The following SPTBN4 variants were observed in gnomAD, a reference collection of about 807,000 sequenced individuals.
The protein encoded by SPTBN4 is spectrin beta, non-erythrocytic 4.
In SPTBN4, 96 loss-of-function variants were observed where a neutral mutation model predicts 277.8. That is an observed-to-expected ratio of 0.35 (90% CI 0.29 to 0.41). The LOEUF (loss-of-function observed/expected upper bound fraction) is 0.41. Among genes scored for constraint, SPTBN4 ranks in the 10% least tolerant of loss-of-function variants. The probability of loss-of-function intolerance (pLI) is 1.00; values close to 1 mark genes in which losing one functional copy is unlikely to be tolerated. For missense variants in SPTBN4, 3,006 were observed against 3,595.7 expected (o/e 0.84, Z 4.19); for synonymous variants, 1,481 against 1,580.3 (o/e 0.94, Z 1.49).
Position 40,513,157 on chromosome 19 carries a change from C to A in SPTBN4, c.2368C>A (p.Arg790Ser). Reference sequence around the variant, plus strand: ...CCTCGACGGGCTGCTGGACTGGCTTCGCGACGCTTACCGCCTGGCAGCCGC... The same window carrying A: ...CCTCGACGGGCTGCTGGACTGGCTTAGCGACGCTTACCGCCTGGCAGCCGC... ...ADLDGLLDWL[R>S]DAYRLAAAGD... is the part of the protein sequence containing the mutation. Residue 790 changes from arginine to serine, a missense_variant, in exon 14 of 36, where the codon CGC (arginine) becomes AGC (serine). Arg to Ser is a moderately radical substitution (Grantham distance 110, BLOSUM62 -1). Around this residue, in one of 5 missense-constraint regions of SPTBN4, gnomAD observed 1,759 missense variants for 2,061.5 expected, o/e 0.85. Transcript: ENST00000598249. The A allele has an allele frequency of 6.7e-7, 1 of 1,499,802 alleles. No individual in the cohort carries two copies. The allele number at this position is 1,499,802 out of a possible 1,614,324, so 92.9% of individuals were successfully genotyped here. A position where few individuals can be genotyped will look rare whatever the true frequency, so the allele number is the denominator to read the frequency against.
Position 40,528,229 on chromosome 19 carries a change from C to G in SPTBN4, c.3858-812C>G, listed in dbSNP as rs571705609. ...GGAGCCCATGTGGGATGCCCCAGCC[C>G]CATCCACCAGGCCTCTTGGGCACTT... On this transcript the variant is annotated intron_variant, in intron 17 of 35. Transcript: ENST00000598249. 4.6e-5 allele frequency among the ~76,000 whole-genome samples: 7 copies of G among 152,206 alleles called. 1 individual carries two copies. The South Asian group carries it at 1.2e-3, about 27-fold the overall frequency.
intron 2 of SPTBN4, among the ~76,000 whole-genome samples, chr19:40,486,193 C>T (rs1244620762): frequency 6.6e-6 from 1 of 151,416 alleles, no homozygotes; most frequent in Non-Finnish European, 1.5e-5. Flanking sequence ...TGGGAGGCTG[C>T]GATGGGAGGA....
chr19:40,532,148 C>T (rs2080682498), intron 18 of SPTBN4, among the ~76,000 whole-genome samples: 1 of 151,394 alleles, frequency 6.6e-6, no homozygotes, highest in African/African-American at 2.4e-5. Flanking sequence ...ATTTGATACC[C>T]TTGGGAATGG....
At position 40,494,982 on chromosome 19, in the gene SPTBN4, C is replaced by T. The variant is rs907876566; in HGVS notation, c.668+5C>T. On this transcript the variant is annotated splice_donor_5th_base_variant and intron_variant, in intron 6 of 35. Transcript: ENST00000598249. The stretch of plus-strand genomic sequence containing the variant: ...TGCCCTCATTCACCGGCACAGGTAC[C>T]ACCTGGCCTGGGACAGCCCAGTCCT... 4.3e-6 allele frequency: 7 copies of T among 1,613,922 alleles called. No individual in the cohort carries two copies. In the East Asian group the frequency reaches 6.7e-5, roughly 15 times the overall value.
intron 1 of SPTBN4, among the ~76,000 whole-genome samples, chr19:40,471,134 A>G (rs111316221): frequency 0.049 from 7,482 of 151,856 alleles, 222 homozygotes; most frequent in African/African-American, 0.064. Flanking sequence ...ATTTTTAGAG[A>G]CAGGGTTTCA....
At chr19:40,555,080 G>A (rs2080962116) in intron 24 of SPTBN4, 1 of 176,720 alleles carries the variant, frequency 5.7e-6, no homozygotes, top group Non-Finnish European at 1.2e-5. Context: ...CTCCAGGCCT[G>A]GACCAGGGAT....
rs566546505 is a variant in SPTBN4 at position 40,569,535 on chromosome 19, G to T, written c.6957-122G>T. 13 of 922,350 alleles carry T rather than the reference G, an allele frequency of 1.4e-5. No individual in the cohort carries two copies. The African/African-American group carries it at 2.0e-4, about 14-fold the overall frequency. 57.1% of individuals were successfully genotyped at this position (922,350 alleles called of 1,614,324 possible). On this transcript the variant is annotated intron_variant, in intron 31 of 35. Transcript: ENST00000598249. ...AGGCGAGCATCTGAGAGAAACAGCT[G>T]CAGAAGTGGGCAGGGGCCTGGCACT...
At chr19:40,558,740 T>TG (rs1438125486) in intron 26 of SPTBN4, among the ~76,000 whole-genome samples, 1 of 151,420 alleles carries the variant, frequency 6.6e-6, no homozygotes, top group African/African-American at 2.4e-5. Flanking sequence ...TCCAAATAGC[T>TG]GGGATTACAT....
At position 40,519,475 on chromosome 19, in the gene SPTBN4, T is replaced by G; in HGVS notation, c.2978T>G (p.Val993Gly). ...MSAVLLVENH[V>G]LEVAEVRAQV... ...GCGGTGCTGCTGGTGGAGAACCACG[T>G]GCTGGAGGTGGCCGAGGTGCGCGCC... is the stretch of plus-strand genomic sequence containing the variant. The change falls in exon 16 of 36, where the codon GTG becomes GGG. Residue 993 changes from valine to glycine, a missense_variant. Physicochemically the swap from Val to Gly is moderately radical, Grantham distance 109. This residue lies in a region of SPTBN4 where 1,759 missense variants were observed against 2,061.5 expected (regional missense o/e 0.85). Transcript: ENST00000598249. This position sits in a 1 kb window ranked among gnomAD's most constrained non-coding sequence, Gnocchi z 5.7. The G allele has an allele frequency of 6.2e-7, 1 of 1,607,638 alleles. No homozygotes were observed. The highest frequency in any genetic ancestry group is 8.5e-7 in the Non-Finnish European group (1 of 1,178,082).
At chr19:40,501,203 A>G (rs814525) in intron 7 of SPTBN4, among the ~76,000 whole-genome samples, 107,599 of 151,162 alleles carry the variant, frequency 0.71, 40,380 homozygotes, top group African/African-American at 0.93. Flanking sequence ...GCACCACTGC[A>G]CAATCAGCCT....
intron 35 of SPTBN4, among the ~76,000 whole-genome samples, chr19:40,573,323 G>A (rs2081171414): frequency 6.6e-6 from 1 of 152,080 alleles, no homozygotes; most frequent in South Asian, 2.1e-4. Context: ...AAAACAAGAG[G>A]GGGTGGGTGA....
chr19:40,479,373 C>G (rs2079983763), intron 2 of SPTBN4, among the ~76,000 whole-genome samples: 1 of 152,164 alleles, frequency 6.6e-6, no homozygotes, highest in African/African-American at 2.4e-5. Flanking sequence ...TTGTGGCTCA[C>G]TACTGTCATT....
chr19:40,494,584 T>C (rs2080174227), intron 5 of SPTBN4, among the ~76,000 whole-genome samples: 1 of 152,032 alleles, frequency 6.6e-6, no homozygotes, highest in South Asian at 2.1e-4. Flanking sequence ...AATCTATATA[T>C]ATATCATCTA....
At chr19:40,471,316 G>A (rs1401802850) in intron 1 of SPTBN4, among the ~76,000 whole-genome samples, 1 of 152,108 alleles carries the variant, frequency 6.6e-6, no homozygotes, top group African/African-American at 2.4e-5. Flanking sequence ...CAACTCCTCT[G>A]TGCCTCAGTT....
At chr19:40,541,410 T>C (rs1281685079) in intron 20 of SPTBN4, among the ~76,000 whole-genome samples, 2 of 152,144 alleles carry the variant, frequency 1.3e-5, no homozygotes, top group Admixed American at 6.5e-5. Flanking sequence ...AGTGACTGTG[T>C]GGGCCAGGGC....
chr19:40,475,914 C>A (rs917124654), intron 2 of SPTBN4, among the ~76,000 whole-genome samples: 3 of 151,822 alleles, frequency 2.0e-5, no homozygotes, highest in Non-Finnish European at 4.4e-5. Flanking sequence ...GGTGTGGTGG[C>A]GCATGCCTGT....
Position 40,515,272 on chromosome 19 carries a change from G to T in SPTBN4, c.2766-39G>T, listed in dbSNP as rs373899462. The T allele has an allele frequency of 5.0e-6, 8 of 1,601,890 alleles. No individual in the cohort carries two copies. The highest frequency in any genetic ancestry group is 2.3e-5 in the East Asian group (1 of 44,192). Reference sequence around the variant, plus strand: ...AAGGTATTTCATAAAACCAAGGTCCGCAGGGTTCGGGTGTCTGAGCATCTC... The same window carrying T: ...AAGGTATTTCATAAAACCAAGGTCCTCAGGGTTCGGGTGTCTGAGCATCTC... On this transcript the variant is annotated intron_variant, in intron 14 of 35. Coordinates refer to ENST00000598249, the MANE Select transcript of SPTBN4 (RefSeq NM_020971.3). This position sits in a 1 kb window ranked among gnomAD's most constrained non-coding sequence, Gnocchi z 4.1.
intron 20 of SPTBN4, among the ~76,000 whole-genome samples, chr19:40,543,082 G>A (rs1244206814): frequency 1.3e-5 from 2 of 152,044 alleles, no homozygotes; most frequent in Non-Finnish European, 2.9e-5. Flanking sequence ...AGGATGCCCG[G>A]CCTACCTCCT....
intron 2 of SPTBN4, among the ~76,000 whole-genome samples, chr19:40,482,132 T>A (rs538048617): frequency 6.6e-6 from 1 of 151,862 alleles, no homozygotes; most frequent in South Asian, 2.1e-4. Flanking sequence ...AGATGGGGTT[T>A]CACCATGTTG....
Sources: allele counts gnomAD v4.1 joint callset (sites outside exome capture counted in the v4.1 genomes callset), GRCh38; gene constraint gnomAD v4.1.1; regional missense constraint gnomAD v4.1.1; non-coding constraint Gnocchi (gnomAD v3.1); transcripts MANE v1.5; gene names NCBI Gene and HGNC (gene_info 2026-07-23, HGNC 2026-07-21).